The following SH3RF3 variants were observed in gnomAD, a reference collection of about 807,000 sequenced individuals.
The protein encoded by SH3RF3 is SH3 domain containing ring finger 3, also known as E3 ubiquitin-protein ligase SH3RF3.
A neutral mutation model predicts 66.3 loss-of-function variants in SH3RF3; 29 were observed. The observed-to-expected ratio is 0.44, with a 90% confidence interval of 0.33 to 0.60. The LOEUF is 0.60. Ranked by LOEUF, SH3RF3 falls within the 20% of genes least tolerant of loss-of-function variation. The pLI, the probability that SH3RF3 is intolerant of heterozygous loss-of-function variation, is 0.04. For synonymous variants in SH3RF3, 583 were observed against 532.0 expected (o/e 1.10, Z -1.32); for missense variants, 1,194 against 1,190.9 (o/e 1.00, Z -0.04).
chr2:109,391,422 C>T (rs1013684095), intron 3 of SH3RF3, among the ~76,000 whole-genome samples: 6 of 152,176 alleles, frequency 3.9e-5, no homozygotes, highest in African/African-American at 7.2e-5. Context: ...GGGAGGGGTG[C>T]GGGTCACCCA....
intron 1 of SH3RF3, among the ~76,000 whole-genome samples, chr2:109,163,390 CTTTTTTTT>C (rs70956302): frequency 1.3e-4 from 9 of 70,266 alleles, no homozygotes; most frequent in South Asian, 6.8e-4. Flanking sequence ...AGCAAATATT[CTTTTTTTT>C]TTTTTTTTTT....
At chr2:109,388,334 G>T (rs1675878746) in intron 3 of SH3RF3, among the ~76,000 whole-genome samples, 1 of 152,134 alleles carries the variant, frequency 6.6e-6, no homozygotes. Flanking sequence ...TGTGAACATG[G>T]AACACATCCT....
chr2:109,446,662 C>G (rs1677713009), intron 7 of SH3RF3, among the ~76,000 whole-genome samples: 1 of 152,142 alleles, frequency 6.6e-6, no homozygotes, highest in South Asian at 2.1e-4. Context: ...CACTGTGCCT[C>G]TGAGGTGACC....
chr2:109,265,624 G>A (rs912084884), intron 1 of SH3RF3, among the ~76,000 whole-genome samples: 3 of 152,234 alleles, frequency 2.0e-5, no homozygotes, highest in Non-Finnish European at 1.5e-5. Flanking sequence ...GCCTGCATGG[G>A]TCCTGCCAGG....
At chr2:109,338,073 T>C (rs1383097100) in intron 1 of SH3RF3, among the ~76,000 whole-genome samples, 1 of 152,136 alleles carries the variant, frequency 6.6e-6, no homozygotes, top group Non-Finnish European at 1.5e-5. Context: ...GTGTGTCATG[T>C]GATGTGGAGA....
intron 1 of SH3RF3, among the ~76,000 whole-genome samples, chr2:109,166,334 G>C (rs1243945579): frequency 3.3e-5 from 5 of 151,866 alleles, no homozygotes; most frequent in African/African-American, 1.2e-4. Flanking sequence ...AAAATTAGCC[G>C]AGTGTGGTGG....
chr2:109,340,837 G>T (rs1465387019), intron 1 of SH3RF3, among the ~76,000 whole-genome samples: 2 of 152,088 alleles, frequency 1.3e-5, no homozygotes, highest in South Asian at 2.1e-4. Context: ...CACCACAGAT[G>T]ACCTAACCGC....
chr2:109,401,836 G>T (rs912730528), intron 4 of SH3RF3, among the ~76,000 whole-genome samples: 3 of 152,218 alleles, frequency 2.0e-5, no homozygotes, highest in African/African-American at 7.2e-5. Context: ...GATGTCTATT[G>T]GGGCTGGAAG....
chr2:109,359,828 A>G (rs991696771), intron 2 of SH3RF3, among the ~76,000 whole-genome samples: 17 of 152,188 alleles, frequency 1.1e-4, no homozygotes, highest in Admixed American at 2.0e-4. Context: ...TATTTTCCAC[A>G]CATGCCCAGA....
chr2:109,281,872 G>A (rs1680901096), intron 1 of SH3RF3, among the ~76,000 whole-genome samples: 1 of 152,184 alleles, frequency 6.6e-6, no homozygotes, highest in Non-Finnish European at 1.5e-5. Context: ...TAGAGCTGAC[G>A]GTTCCCACTG....
In SH3RF3 at chr2:109,502,018, T is replaced by C. The variant is rs186220378; in HGVS notation, c.*347T>C. On this transcript the variant is annotated 3_prime_UTR_variant, in exon 10 of 10. Coordinates refer to ENST00000309415, the MANE Select transcript of SH3RF3 (RefSeq NM_001099289.3). The stretch of plus-strand genomic sequence containing the variant: ...GTTCTCATTTACCACCTAAGCAGGG[T>C]TGGAGGTTGCAGGAGGTCTGCAGGC... The C allele has an allele frequency of 3.9e-4, 93 of 240,964 alleles. 1 individual carries two copies. Among genetic ancestry groups the C allele is most frequent in the African/African-American group, 1.8e-3 (83 of 45,970 alleles). 14.9% of individuals were successfully genotyped at this position (240,964 alleles called of 1,614,324 possible). A position where few individuals can be genotyped will look rare whatever the true frequency, so the allele number is the denominator to read the frequency against.
At chr2:109,385,041 T>G (rs899576922) in intron 3 of SH3RF3, among the ~76,000 whole-genome samples, 3 of 152,252 alleles carry the variant, frequency 2.0e-5, no homozygotes, top group Non-Finnish European at 4.4e-5. Flanking sequence ...TGCCTGGCCC[T>G]GATCGTTGTC....
rs1322906700 is a variant in SH3RF3 at position 109,490,715 on chromosome 2, C to A, written c.2259C>A (p.Asp753Glu). The A allele has an allele frequency of 1.3e-6, 2 of 1,534,832 alleles. No homozygotes were observed. Among genetic ancestry groups the A allele is most frequent in the Non-Finnish European group, 1.7e-6 (2 of 1,145,128 alleles). Residue 753 changes from aspartate (D) to glutamate (E), a missense_variant, in exon 9 of 10, where the codon GAC (aspartate) becomes GAA (glutamate). Physicochemically the swap from Asp to Glu is conservative, Grantham distance 45. Coordinates refer to ENST00000309415, the MANE Select transcript of SH3RF3 (RefSeq NM_001099289.3). Reference protein sequence around the residue: ...SPTHDPQVAVDALLQGAVGPE... With the variant: ...SPTHDPQVAVEALLQGAVGPE... ...CCCACGACCCCCAGGTGGCCGTGGA[C>A]GCCCTGCTCCAAGGTGCAGTGGGCC...
At chr2:109,391,465 G>A (rs527674907) in intron 3 of SH3RF3, among the ~76,000 whole-genome samples, 125 of 152,326 alleles carry the variant, frequency 8.2e-4, no homozygotes, top group Admixed American at 2.1e-3. Context: ...CAGGGCCGGC[G>A]GCCTCACACA....
intron 5 of SH3RF3, among the ~76,000 whole-genome samples, chr2:109,423,080 G>A (rs911613791): frequency 1.1e-4 from 17 of 152,188 alleles, no homozygotes; most frequent in African/African-American, 4.1e-4. Flanking sequence ...GTCGATGGGT[G>A]CAGTTCATTA....
intron 8 of SH3RF3, among the ~76,000 whole-genome samples, chr2:109,452,244 G>A (rs1383214403): frequency 1.3e-5 from 2 of 152,186 alleles, no homozygotes; most frequent in Non-Finnish European, 2.9e-5. Context: ...TGGGCTAGGG[G>A]GCTGCAGCCA....
intron 1 of SH3RF3, among the ~76,000 whole-genome samples, chr2:109,264,391 C>CTCGA (rs1680438239): frequency 6.6e-6 from 1 of 151,732 alleles, no homozygotes; most frequent in Non-Finnish European, 1.5e-5. Flanking sequence ...CAGGATCCAC[C>CTCGA]TCGAGTCTGT....
At chr2:109,434,031 C>T (rs1677329209) in intron 6 of SH3RF3, among the ~76,000 whole-genome samples, 1 of 152,234 alleles carries the variant, frequency 6.6e-6, no homozygotes, top group South Asian at 2.1e-4. Context: ...TTTCCCATGC[C>T]AGTAGGAACA....
chr2:109,475,212 C>T (rs547555884), intron 8 of SH3RF3, among the ~76,000 whole-genome samples: 1 of 152,186 alleles, frequency 6.6e-6, no homozygotes, highest in South Asian at 2.1e-4. Context: ...CTCTTGACCT[C>T]GTGATCCACC....
Sources: allele counts gnomAD v4.1 joint callset (sites outside exome capture counted in the v4.1 genomes callset), GRCh38; gene constraint gnomAD v4.1.1; transcripts MANE v1.5; gene names NCBI Gene and HGNC (gene_info 2026-07-23, HGNC 2026-07-21).